CREB5: variants seen among roughly 807,000 people sequenced by gnomAD.
CREB5 encodes the protein cAMP responsive element binding protein 5, also known as cyclic AMP-responsive element-binding protein 5.
In CREB5, 19 loss-of-function variants were observed where a neutral mutation model predicts 57.1. The observed-to-expected ratio is 0.33, with a 90% confidence interval of 0.23 to 0.49. CREB5 has a LOEUF of 0.49. Ranked by LOEUF, CREB5 falls within the 20% of genes least tolerant of loss-of-function variation. CREB5 has a pLI of 0.99. For synonymous variants in CREB5, 238 were observed against 238.3 expected (o/e 1.00, Z 0.01); for missense variants, 579 against 671.6 (o/e 0.86, Z 1.52).
In CREB5 at chr7:28,696,337, C is replaced by T. The variant is rs142761845; in HGVS notation, c.465-22416C>T. ...CACTGAATGCAAATCAGAAATCCTT[C>T]CTGCCATTTGTAAAGCATAGGAAGA... is the stretch of plus-strand genomic sequence containing the variant. On this transcript the variant is annotated intron_variant, in intron 5 of 10. Coordinates refer to ENST00000357727, the MANE Select transcript of CREB5 (RefSeq NM_182898.4). 3.2e-3 allele frequency among the ~76,000 whole-genome samples: 485 copies of T among 152,316 alleles called. 1 individual carries two copies. The highest frequency in any genetic ancestry group is 3.9e-3 in the Non-Finnish European group (263 of 68,032).
chr7:28,588,903 A>G (rs1252956160), intron 5 of CREB5, among the ~76,000 whole-genome samples: 1 of 152,156 alleles, frequency 6.6e-6, no homozygotes, highest in Non-Finnish European at 1.5e-5. Flanking sequence ...CCTGGAAGGG[A>G]CAACATTATT....
At chr7:28,739,444 G>GA (rs1804213957) in intron 7 of CREB5, among the ~76,000 whole-genome samples, 1 of 152,102 alleles carries the variant, frequency 6.6e-6, no homozygotes, top group Non-Finnish European at 1.5e-5. Context: ...AGATACTGGG[G>GA]AAAAACAGCA....
chr7:28,586,200 G>A (rs1045665925), intron 5 of CREB5, among the ~76,000 whole-genome samples: 22 of 152,088 alleles, frequency 1.4e-4, no homozygotes, highest in Non-Finnish European at 3.1e-4. Flanking sequence ...TCACTGTCAC[G>A]GGCCAGAAAT....
chr7:28,441,536 G>C (rs1040478407), intron 1 of CREB5, among the ~76,000 whole-genome samples: 11 of 152,086 alleles, frequency 7.2e-5, no homozygotes, highest in African/African-American at 2.7e-4. Context: ...TAATATAAAA[G>C]TCCAAAGATA....
intron 4 of CREB5, among the ~76,000 whole-genome samples, chr7:28,557,401 AT>A (rs1169956748): frequency 2.6e-5 from 4 of 152,238 alleles, no homozygotes; most frequent in African/African-American, 9.6e-5. Flanking sequence ...TTTTAAAGAC[AT>A]GAGATCCCAG....
intron 5 of CREB5, among the ~76,000 whole-genome samples, chr7:28,589,126 T>C (rs1254559057): frequency 6.6e-6 from 1 of 152,216 alleles, no homozygotes; most frequent in Non-Finnish European, 1.5e-5. Flanking sequence ...CTACAATGGC[T>C]CTTTGCTATA....
intron 2 of CREB5, among the ~76,000 whole-genome samples, chr7:28,491,573 C>T (rs1791810650): frequency 6.6e-6 from 1 of 152,114 alleles, no homozygotes; most frequent in Admixed American, 6.5e-5. Flanking sequence ...TTCCAAGCTT[C>T]CCCCACTTCA....
At chr7:28,459,455 T>C (rs1790257040) in intron 1 of CREB5, among the ~76,000 whole-genome samples, 1 of 152,018 alleles carries the variant, frequency 6.6e-6, no homozygotes, top group Non-Finnish European at 1.5e-5. Context: ...AGTACTGGTG[T>C]TTCTTGGTTA....
At chr7:28,765,604 A>G (rs888648547) in intron 7 of CREB5, among the ~76,000 whole-genome samples, 2 of 152,190 alleles carry the variant, frequency 1.3e-5, no homozygotes, top group Admixed American at 6.5e-5. Context: ...GGGGAAAAAA[A>G]CTGAAGGAGA....
At chr7:28,392,350 T>C (rs1787235510) in intron 1 of CREB5, among the ~76,000 whole-genome samples, 1 of 152,218 alleles carries the variant, frequency 6.6e-6, no homozygotes, top group East Asian at 1.9e-4. Context: ...AAGGGACTGC[T>C]CTAAGCCTCA....
rs182712320 is a variant in CREB5, at chr7:28,306,138, C to T, written c.-25+6697C>T. Among the ~76,000 whole-genome samples the T allele has an allele frequency of 1.1e-3, 160 of 152,306 alleles. 1 individual carries two copies. The highest frequency in any genetic ancestry group is 1.8e-3 in the Admixed American group (27 of 15,292). ...CTCTTTCCTGTGCTCTAGCTGCAAC[C>T]AGCCAAAGCGTCCATAATTGTAACA... On this transcript the variant is annotated intron_variant, in intron 1 of 9. Transcript: ENST00000396299.
intron 2 of CREB5, 93 bp downstream of exon 2, chr7:28,488,339 T>G (rs1263948009): frequency 1.3e-5 from 15 of 1,136,546 alleles, no homozygotes; most frequent in Non-Finnish European, 1.8e-5. Context: ...GCCCTGGGCT[T>G]TCCTTCTTTA....
chr7:28,580,834 T>C (rs1390813091), intron 5 of CREB5, among the ~76,000 whole-genome samples: 1 of 152,150 alleles, frequency 6.6e-6, no homozygotes, highest in Non-Finnish European at 1.5e-5. Context: ...TTCAACATGT[T>C]TGGACGATGT....
chr7:28,652,502 G>T (rs1415908651), intron 5 of CREB5, among the ~76,000 whole-genome samples: 1 of 152,206 alleles, frequency 6.6e-6, no homozygotes, highest in Non-Finnish European at 1.5e-5. Context: ...ATTGAAACAG[G>T]TGGTAGAGTG....
chr7:28,809,700 A>G (rs1365527503), intron 9 of CREB5, among the ~76,000 whole-genome samples: 1 of 152,234 alleles, frequency 6.6e-6, no homozygotes, highest in African/African-American at 2.4e-5. Context: ...GATCCAAACC[A>G]TGGTTCAGCA....
At chr7:28,730,815 T>C (rs565620325) in intron 7 of CREB5, among the ~76,000 whole-genome samples, 17 of 152,314 alleles carry the variant, frequency 1.1e-4, no homozygotes, top group Non-Finnish European at 2.1e-4. Flanking sequence ...CTCAGTGGTA[T>C]AACCAGGACC....
intron 1 of CREB5, among the ~76,000 whole-genome samples, chr7:28,327,834 A>G (rs770921377): frequency 2.0e-5 from 3 of 152,202 alleles, no homozygotes; most frequent in Non-Finnish European, 2.9e-5. Context: ...ATGAGGCCTG[A>G]TGTGTGGCAG....
intron 1 of CREB5, among the ~76,000 whole-genome samples, chr7:28,334,797 A>G (rs879679896): frequency 5.9e-5 from 9 of 152,068 alleles, no homozygotes; most frequent in Non-Finnish European, 7.4e-5. Context: ...TGTCCTGGAG[A>G]GTTTCCATGA....
chr7:28,397,277 A>G (rs1787357143), intron 1 of CREB5, among the ~76,000 whole-genome samples: 2 of 152,224 alleles, frequency 1.3e-5, no homozygotes. Context: ...ATTCCTCTAC[A>G]GAAGGCAGCC....
Sources: allele counts gnomAD v4.1 joint callset (sites outside exome capture counted in the v4.1 genomes callset), GRCh38; gene constraint gnomAD v4.1.1; transcripts MANE v1.5; gene names NCBI Gene and HGNC (gene_info 2026-07-23, HGNC 2026-07-21).